Variants in CRPPA observed in about 807,000 individuals in gnomAD.
CRPPA encodes the protein D-ribitol-5-phosphate cytidylyltransferase.
CRPPA carries 43 observed loss-of-function variants against 52.0 expected under a neutral mutation model. The ratio of observed to expected loss-of-function variants is 0.83; its 90% CI spans 0.65 to 1.07. The LOEUF is 1.07. Among genes scored for constraint, CRPPA ranks in the 50% least tolerant of loss-of-function variants. CRPPA has a pLI of 0.00. For missense variants in CRPPA, 629 were observed against 551.7 expected (o/e 1.14, Z -1.40); for synonymous variants, 250 against 203.5 (o/e 1.23, Z -1.94).
chr7:16,111,213 T>G (rs1782257240), intron 9 of CRPPA, among the ~76,000 whole-genome samples: 1 of 151,892 alleles, frequency 6.6e-6, no homozygotes, highest in Non-Finnish European at 1.5e-5. Context: ...AAATGCAAAT[T>G]TAACCTACAA....
intron 9 of CRPPA, among the ~76,000 whole-genome samples, chr7:16,159,705 A>C (rs553156897): frequency 3.3e-4 from 51 of 152,304 alleles, no homozygotes; most frequent in African/African-American, 9.9e-4. Context: ...ATAATTTATA[A>C]TCCTTTGGAT....
intron 6 of CRPPA, among the ~76,000 whole-genome samples, chr7:16,265,689 C>G (rs1783934419): frequency 6.6e-6 from 1 of 151,402 alleles, no homozygotes; most frequent in Non-Finnish European, 1.5e-5. Context: ...TTTTAGAGGA[C>G]CCTTTAAAAC....
chr7:16,369,730 G>T (rs1436938966), intron 3 of CRPPA, among the ~76,000 whole-genome samples: 2 of 152,174 alleles, frequency 1.3e-5, no homozygotes, highest in Non-Finnish European at 2.9e-5. Flanking sequence ...AGCTCACTTG[G>T]AAGGACAGAA....
intron 9 of CRPPA, among the ~76,000 whole-genome samples, chr7:16,151,089 C>T (rs950217338): frequency 6.6e-6 from 1 of 152,178 alleles, no homozygotes; most frequent in South Asian, 2.1e-4. Context: ...CAAATAGTTT[C>T]TTTGTCAGAA....
At chr7:16,162,159 G>C (rs1780913656) in intron 9 of CRPPA, among the ~76,000 whole-genome samples, 1 of 151,890 alleles carries the variant, frequency 6.6e-6, no homozygotes, top group African/African-American at 2.4e-5. Flanking sequence ...TTTTTGAAGG[G>C]TTTTTCGTGT....
In CRPPA at chr7:16,336,829, G is replaced by A. The variant is rs138340159; in HGVS notation, c.685-28202C>T. On this transcript the variant is annotated intron_variant, in intron 3 of 9. Coordinates refer to ENST00000407010, the MANE Select transcript of CRPPA (RefSeq NM_001101426.4). ...CATGAATAAAAAACAAAAGAAAAGAGGGGTAGCAGGGTAGCTATACCTATA... is the reference window on the plus strand; with the variant it reads ...CATGAATAAAAAACAAAAGAAAAGAAGGGTAGCAGGGTAGCTATACCTATA... 4.4e-3 allele frequency among the ~76,000 whole-genome samples: 665 copies of A among 152,138 alleles called. 2 individuals carry two copies. Among genetic ancestry groups the A allele is most frequent in the African/African-American group, 0.015 (638 of 41,534 alleles).
At chr7:16,191,745 G>T (rs1376549386) in intron 9 of CRPPA, among the ~76,000 whole-genome samples, 1 of 151,992 alleles carries the variant, frequency 6.6e-6, no homozygotes, top group Non-Finnish European at 1.5e-5. Context: ...TCAAATATTT[G>T]GCTAAATGAC....
intron 2 of CRPPA, among the ~76,000 whole-genome samples, chr7:16,399,861 C>T (rs965700920): frequency 1.3e-5 from 2 of 152,124 alleles, no homozygotes; most frequent in Admixed American, 6.5e-5. Context: ...ACCTGATTGA[C>T]ACATGACTAA....
At chr7:16,213,990 T>C (rs1782229232) in intron 9 of CRPPA, among the ~76,000 whole-genome samples, 2 of 152,156 alleles carry the variant, frequency 1.3e-5, no homozygotes, top group Admixed American at 1.3e-4. Context: ...TTACATGAGT[T>C]ACTGAGCATT....
At chr7:16,304,417 CG>C (rs1459343733) in intron 4 of CRPPA, among the ~76,000 whole-genome samples, 3 of 152,078 alleles carry the variant, frequency 2.0e-5, no homozygotes, top group South Asian at 2.1e-4. Flanking sequence ...TTTACCAAAA[CG>C]TATTTATAAA....
chr7:16,352,646 T>C (rs1028939931), intron 3 of CRPPA, among the ~76,000 whole-genome samples: 13 of 152,130 alleles, frequency 8.5e-5, no homozygotes, highest in Non-Finnish European at 1.6e-4. Flanking sequence ...TTGTACTTTG[T>C]TGGTAATATT....
intron 4 of CRPPA, among the ~76,000 whole-genome samples, chr7:16,306,812 G>C (rs577965078): frequency 2.1e-4 from 32 of 152,226 alleles, no homozygotes; most frequent in African/African-American, 7.7e-4. Context: ...TGAATAAAAT[G>C]TTTGCCTGCT....
chr7:16,247,003 T>G (rs1783294689), intron 8 of CRPPA, among the ~76,000 whole-genome samples: 1 of 152,258 alleles, frequency 6.6e-6, no homozygotes, highest in Admixed American at 6.5e-5. Context: ...CCTGGCATGT[T>G]CTTCCAATAG....
intron 4 of CRPPA, among the ~76,000 whole-genome samples, chr7:16,303,300 T>C (rs1280021134): frequency 1.3e-5 from 2 of 152,006 alleles, no homozygotes; most frequent in African/African-American, 4.8e-5. Context: ...CTAATTTGGA[T>C]AGAAGTGCAG....
chr7:16,336,314 A>C (rs543070578), intron 3 of CRPPA, among the ~76,000 whole-genome samples: 3 of 152,266 alleles, frequency 2.0e-5, no homozygotes, highest in Admixed American at 6.5e-5. Context: ...AGTTGTTAAG[A>C]GATACAAATT....
intron 9 of CRPPA, among the ~76,000 whole-genome samples, chr7:16,173,840 G>T (rs1250825535): frequency 6.6e-6 from 1 of 152,120 alleles, no homozygotes; most frequent in African/African-American, 2.4e-5. Flanking sequence ...GTTAAACTGT[G>T]CTTGTATATT....
intron 9 of CRPPA, among the ~76,000 whole-genome samples, chr7:16,170,682 C>T (rs58937761): frequency 0.028 from 4,195 of 152,258 alleles, 212 homozygotes; most frequent in African/African-American, 0.096. Flanking sequence ...GGAGCAGGCT[C>T]GGAGCATGGG....
intron 8 of CRPPA, among the ~76,000 whole-genome samples, chr7:16,254,768 A>G (rs1056201111): frequency 1.4e-5 from 2 of 143,422 alleles, no homozygotes; most frequent in African/African-American, 2.7e-5. Flanking sequence ...AAAGACAGAC[A>G]CACAGAAAGA....
chr7:16,377,196 A>T (rs1786913997), intron 2 of CRPPA, among the ~76,000 whole-genome samples: 1 of 152,154 alleles, frequency 6.6e-6, no homozygotes, highest in African/African-American at 2.4e-5. Flanking sequence ...AGCCAAAGAG[A>T]CGGTTTATAA....
Sources: allele counts gnomAD v4.1 joint callset (sites outside exome capture counted in the v4.1 genomes callset), GRCh38; gene constraint gnomAD v4.1.1; transcripts MANE v1.5; gene names NCBI Gene and HGNC (gene_info 2026-07-23, HGNC 2026-07-21).